TRAPPC9: variants seen among roughly 807,000 people sequenced by gnomAD.
The protein encoded by TRAPPC9 is IKK2 binding protein.
In TRAPPC9, 83 loss-of-function variants were observed where a neutral mutation model predicts 124.0. The observed-to-expected ratio is 0.67, with a 90% CI of 0.56 to 0.80. TRAPPC9 has a LOEUF of 0.80. Ranked by LOEUF, TRAPPC9 falls within the 30% of genes least tolerant of loss-of-function variation. The probability of loss-of-function intolerance (pLI) is 0.00; values close to 1 mark genes in which losing one functional copy is unlikely to be tolerated. For missense variants in TRAPPC9, 1,302 were observed against 1,508.3 expected, an observed-to-expected ratio of 0.86 and a Z score of 2.27; for synonymous variants, 638 against 617.5, an observed-to-expected ratio of 1.03 and a Z score of -0.49.
chr8:140,399,631 C>T (rs948958704), intron 6 of TRAPPC9, among the ~76,000 whole-genome samples: 2 of 152,184 alleles, frequency 1.3e-5, no homozygotes, highest in Admixed American at 6.5e-5. Flanking sequence ...AATGTGTATA[C>T]CCCCATTGTA....
chr8:140,397,440 T>C (rs1185546496), intron 7 of TRAPPC9, among the ~76,000 whole-genome samples, 180 bp downstream of exon 7: 1 of 152,200 alleles, frequency 6.6e-6, no homozygotes, highest in Non-Finnish European at 1.5e-5. Flanking sequence ...GAAAGTTAAA[T>C]ACCACAATGA....
At chr8:139,872,326 G>C (rs1295788105) in intron 21 of TRAPPC9, among the ~76,000 whole-genome samples, 7 of 127,090 alleles carry the variant, frequency 5.5e-5, no homozygotes, top group Admixed American at 8.5e-5. Context: ...ATGGTTGGAT[G>C]AGTGGATGGA....
chr8:139,827,334 C>T (rs989201868), intron 21 of TRAPPC9, among the ~76,000 whole-genome samples: 1 of 152,186 alleles, frequency 6.6e-6, no homozygotes, highest in African/African-American at 2.4e-5. Flanking sequence ...TGCTAGTGGC[C>T]CTGCATGCAG....
intron 19 of TRAPPC9, among the ~76,000 whole-genome samples, chr8:139,977,870 G>A (rs952722971): frequency 5.3e-5 from 8 of 151,398 alleles, no homozygotes; most frequent in East Asian, 4.0e-4. Context: ...TAGTAGAAAC[G>A]GGGTTTCACC....
chr8:139,787,568 G>A (rs140359512), intron 21 of TRAPPC9, among the ~76,000 whole-genome samples: 57 of 152,306 alleles, frequency 3.7e-4, no homozygotes, highest in African/African-American at 1.3e-3. Flanking sequence ...AGGCCTCACC[G>A]AAAGCTTAAA....
At chr8:140,147,852 A>G (rs978373276) in intron 17 of TRAPPC9, among the ~76,000 whole-genome samples, 16 of 152,282 alleles carry the variant, frequency 1.1e-4, no homozygotes, top group African/African-American at 3.6e-4. Flanking sequence ...GCTCAGGACA[A>G]GCACATGGAG....
At chr8:139,949,117 G>T (rs1214285148) in intron 19 of TRAPPC9, among the ~76,000 whole-genome samples, 3 of 151,792 alleles carry the variant, frequency 2.0e-5, no homozygotes, top group Non-Finnish European at 2.9e-5. Context: ...AATTAAAACA[G>T]AAATTTCTGT....
intron 17 of TRAPPC9, among the ~76,000 whole-genome samples, chr8:140,136,648 G>GAAT (rs2061309129): frequency 2.0e-5 from 3 of 152,160 alleles, no homozygotes; most frequent in African/African-American, 4.8e-5. Context: ...GACCAGCCTG[G>GAAT]CCAATACGGT....
chr8:139,960,185 G>A (rs937741995), intron 19 of TRAPPC9, among the ~76,000 whole-genome samples: 3 of 152,168 alleles, frequency 2.0e-5, no homozygotes, highest in Non-Finnish European at 2.9e-5. Flanking sequence ...ACCTGTGGTC[G>A]GCATACTTTG....
At chr8:140,327,260 C>T (rs554998892) in intron 9 of TRAPPC9, among the ~76,000 whole-genome samples, 1 of 152,086 alleles carries the variant, frequency 6.6e-6, no homozygotes, top group Admixed American at 6.5e-5. Context: ...AAAGACAAGA[C>T]AAGACACGAC....
chr8:140,445,731 A>G (rs1588371653), intron 2 of TRAPPC9, among the ~76,000 whole-genome samples: 2 of 152,374 alleles, frequency 1.3e-5, no homozygotes, highest in Admixed American at 1.3e-4. Flanking sequence ...AATCTTTCAG[A>G]AAGCCCAGCC....
Position 139,816,142 on chromosome 8 carries a change from T to G in TRAPPC9, c.3055+69737A>C, listed in dbSNP as rs148901247. On this transcript the variant is annotated intron_variant, in intron 21 of 22. Transcript: ENST00000438773. ...GCAGGGCACCAGAGGGCAGCCTTGGTGACTGGGGAAGCTTCTGGAAGGGGT... is the reference window on the plus strand; with the variant it reads ...GCAGGGCACCAGAGGGCAGCCTTGGGGACTGGGGAAGCTTCTGGAAGGGGT... Among the ~76,000 whole-genome samples the G allele has an allele frequency of 1.9e-4, 29 of 152,124 alleles. No individual in the cohort carries two copies. In the East Asian group the frequency reaches 5.0e-3, roughly 26 times the overall value.
chr8:139,792,720 C>G (rs1822782965), intron 21 of TRAPPC9, among the ~76,000 whole-genome samples: 1 of 152,232 alleles, frequency 6.6e-6, no homozygotes, highest in South Asian at 2.1e-4. Flanking sequence ...AGGCCTGGGA[C>G]CCCCACAGTG....
intron 16 of TRAPPC9, among the ~76,000 whole-genome samples, chr8:140,230,730 C>T (rs1053328655): frequency 4.0e-5 from 6 of 151,852 alleles, no homozygotes; most frequent in Admixed American, 6.6e-5. Context: ...GCTGAGATCG[C>T]GCCACTGTGC....
chr8:140,229,044 G>T (rs1479164614), intron 16 of TRAPPC9, among the ~76,000 whole-genome samples: 2 of 151,954 alleles, frequency 1.3e-5, no homozygotes, highest in Middle Eastern at 3.2e-3. Context: ...GAATGACGGT[G>T]ACAAACACAT....
chr8:139,873,323 T>A (rs761075053), intron 21 of TRAPPC9, among the ~76,000 whole-genome samples: 1 of 152,156 alleles, frequency 6.6e-6, no homozygotes, highest in Non-Finnish European at 1.5e-5. Flanking sequence ...TAGGTGATCA[T>A]ATTATTCATC....
At chr8:140,314,165 G>T (rs1010686626) in intron 9 of TRAPPC9, among the ~76,000 whole-genome samples, 1 of 152,138 alleles carries the variant, frequency 6.6e-6, no homozygotes, top group South Asian at 2.1e-4. Context: ...ATTAATAAAC[G>T]GTTGAGTCTT....
intron 6 of TRAPPC9, among the ~76,000 whole-genome samples, chr8:140,404,606 A>G (rs1163712649): frequency 6.6e-6 from 1 of 152,148 alleles, no homozygotes; most frequent in Non-Finnish European, 1.5e-5. Flanking sequence ...GATACTGCTG[A>G]GTGGGTAAAG....
chr8:140,309,687 T>C (rs2066238139), intron 10 of TRAPPC9, among the ~76,000 whole-genome samples: 1 of 152,236 alleles, frequency 6.6e-6, no homozygotes, highest in African/African-American at 2.4e-5. Flanking sequence ...AAATGAATCA[T>C]GCCCTTAATC....
Sources: allele counts gnomAD v4.1 joint callset (sites outside exome capture counted in the v4.1 genomes callset), GRCh38; gene constraint gnomAD v4.1.1; transcripts MANE v1.5; gene names NCBI Gene and HGNC (gene_info 2026-07-23, HGNC 2026-07-21).